SEH1L: variants seen among roughly 807,000 people sequenced by gnomAD.
The protein encoded by SEH1L is nucleoporin SEH1.
In SEH1L, 18 loss-of-function variants were observed where a neutral mutation model predicts 49.5. The ratio of observed to expected loss-of-function variants is 0.36; its 90% CI spans 0.25 to 0.54. The LOEUF (loss-of-function observed/expected upper bound fraction) is 0.54. SEH1L is among the 20% of genes least tolerant of loss of function. The pLI is 0.87. For missense variants in SEH1L, 404 were observed against 528.8 expected (o/e 0.76, Z 2.31); for synonymous variants, 169 against 178.1 (o/e 0.95, Z 0.41).
At chr18:12,972,639 C>T (rs2031751457) in intron 5 of SEH1L, 2 of 152,178 alleles carry the variant, frequency 1.3e-5, no homozygotes, top group African/African-American at 4.8e-5. Context: ...CAAATGTTAC[C>T]ATCTGGGTTA....
chr18:12,960,357 C>T (rs2031113312), intron 3 of SEH1L, among the ~76,000 whole-genome samples: 1 of 152,194 alleles, frequency 6.6e-6, no homozygotes, highest in Admixed American at 6.5e-5. Flanking sequence ...CTAGTTTTCC[C>T]AGCACCATTT....
At chr18:12,968,901 C>T (rs1172081868) in intron 4 of SEH1L, among the ~76,000 whole-genome samples, 2 of 152,130 alleles carry the variant, frequency 1.3e-5, no homozygotes, top group African/African-American at 2.4e-5. Context: ...GCTGTCTGGA[C>T]ATTTCATGAC....
At chr18:12,951,592 C>G (rs1321660572) in intron 1 of SEH1L, among the ~76,000 whole-genome samples, 1 of 152,160 alleles carries the variant, frequency 6.6e-6, no homozygotes, top group South Asian at 2.1e-4. Flanking sequence ...GGTTTCACCA[C>G]GTTGTCTAGG....
chr18:12,953,334 T>A (rs1223857695), intron 2 of SEH1L, among the ~76,000 whole-genome samples: 1 of 152,188 alleles, frequency 6.6e-6, no homozygotes, highest in East Asian at 1.9e-4. Context: ...TGTAAGTCTG[T>A]GTAGACATAT....
At chr18:12,980,697 ACAC>A (rs1308957731) in intron 6 of SEH1L, among the ~76,000 whole-genome samples, 8 of 72,784 alleles carry the variant, frequency 1.1e-4, no homozygotes, top group South Asian at 5.1e-4. Context: ...CGGGGGGCTG[ACAC>A]CCCCCACTTC....
intron 5 of SEH1L, chr18:12,973,422 C>T (rs1465469706): frequency 6.6e-6 from 1 of 151,866 alleles, no homozygotes; most frequent in African/African-American, 2.4e-5. Flanking sequence ...GCCTTAGCCT[C>T]CTGAATAGCT....
chr18:12,982,035 T>C (rs2032291080), intron 6 of SEH1L, among the ~76,000 whole-genome samples: 1 of 151,994 alleles, frequency 6.6e-6, no homozygotes, highest in South Asian at 2.1e-4. Flanking sequence ...AATTTTTTAT[T>C]TTGTATTTTT....
At chr18:12,949,546 G>A (rs1199857259) in intron 1 of SEH1L, among the ~76,000 whole-genome samples, 3 of 130,194 alleles carry the variant, frequency 2.3e-5, no homozygotes, top group Non-Finnish European at 4.7e-5. Context: ...TCCGCCTCCC[G>A]GGTTCACGCC....
In SEH1L at chr18:12,981,849, C is replaced by CTTTTTTTTTTTTTTTT. The variant is rs1467685892; in HGVS notation, c.762-669_762-668insTTTTTTTTTTTTTTTT. On this transcript the variant is annotated intron_variant, in intron 6 of 8. Transcript: ENST00000399892. ...ATTCTTTCCTACTTGCTGCCCTGCC[C>CTTTTTTTTTTTTTTTT]ATTTTTTTTTTTTTTTTTTTTTTTT... 7.8e-5 allele frequency among the ~76,000 whole-genome samples: 8 copies of CTTTTTTTTTTTTTTTT among 102,500 alleles called. 2 individuals are homozygous for CTTTTTTTTTTTTTTTT. Among genetic ancestry groups the CTTTTTTTTTTTTTTTT allele is most frequent in the African/African-American group, 2.3e-4 (5 of 21,660 alleles). 67.2% of individuals were successfully genotyped at this position (102,500 alleles called of 152,430 possible). A position where few individuals can be genotyped will look rare whatever the true frequency, so the allele number is the denominator to read the frequency against.
In SEH1L at chr18:12,948,171, A is replaced by T; in HGVS notation, c.50A>T (p.Asp17Val). 2 of 1,611,602 alleles carry T rather than the reference A, an allele frequency of 1.2e-6. No individual in the cohort carries two copies. The highest frequency in any genetic ancestry group is 1.7e-6 in the Non-Finnish European group (2 of 1,179,274). ...IAADHKDLIH[D>V]VSFDFHGRRM... is the part of the protein sequence containing the mutation. ...GCGGACCACAAGGATCTCATCCACG[A>T]TGTCTCTTTCGACTTCCACGGGCGG... is the stretch of plus-strand genomic sequence containing the variant. The change falls in exon 1 of 9, where the codon GAT (aspartate) becomes GTT (valine). Residue 17 changes from aspartate to valine, a missense_variant. Physicochemically the swap from Asp to Val is radical, Grantham distance 152. This residue lies in a region of SEH1L where 57 missense variants were observed against 71.9 expected (regional missense o/e 0.79). Coordinates refer to ENST00000399892, the MANE Select transcript of SEH1L (RefSeq NM_001013437.2).
At chr18:12,986,131 C>T (rs1237745695) in intron 8 of SEH1L, 1 of 984,362 alleles carries the variant, frequency 1.0e-6, no homozygotes, top group Non-Finnish European at 1.2e-6. Flanking sequence ...CATTCCATGT[C>T]TCAAGATTTT....
chr18:12,968,693 C>A (rs1247116937), intron 4 of SEH1L, among the ~76,000 whole-genome samples: 1 of 152,150 alleles, frequency 6.6e-6, no homozygotes, highest in African/African-American at 2.4e-5. Flanking sequence ...AGATTTCTAG[C>A]CCTGTACGAT....
chr18:12,980,691 G>T (rs1433074593), intron 6 of SEH1L, among the ~76,000 whole-genome samples: 2 of 127,560 alleles, frequency 1.6e-5, no homozygotes, highest in Admixed American at 7.4e-5. Context: ...GCAGGGCGGG[G>T]GGCTGACACC....
chr18:12,980,762 G>A (rs2032200185), intron 6 of SEH1L, among the ~76,000 whole-genome samples: 1 of 28,508 alleles, frequency 3.5e-5, no homozygotes, highest in African/African-American at 1.9e-4. Flanking sequence ...CTTCCCAGTA[G>A]GGGCGGCCGG....
intron 8 of SEH1L, chr18:12,985,390 C>G (rs1033501173): frequency 5.7e-6 from 8 of 1,410,044 alleles, no homozygotes; most frequent in South Asian, 3.3e-5. Context: ...TACTACTAAA[C>G]GCAATCCAAA....
At chr18:12,985,175 A>G (rs1438530815) in intron 8 of SEH1L, 17 of 1,530,702 alleles carry the variant, frequency 1.1e-5, no homozygotes, top group African/African-American at 5.5e-5. Context: ...TATTGTGCCA[A>G]TAACCATCTG....
At chr18:12,955,232 G>A (rs974367770) in intron 2 of SEH1L, among the ~76,000 whole-genome samples, 3 of 150,638 alleles carry the variant, frequency 2.0e-5, no homozygotes, top group Admixed American at 1.3e-4. Context: ...CTGGACTTCA[G>A]AAGCATTACA....
At chr18:12,960,941 T>G (rs1033141065) in intron 3 of SEH1L, among the ~76,000 whole-genome samples, 1 of 152,148 alleles carries the variant, frequency 6.6e-6, no homozygotes, top group Non-Finnish European at 1.5e-5. Context: ...GTTAAAAAAT[T>G]TTACAGCAGA....
At chr18:12,953,876 A>G (rs1263253697) in intron 2 of SEH1L, among the ~76,000 whole-genome samples, 7 of 152,244 alleles carry the variant, frequency 4.6e-5, no homozygotes, top group African/African-American at 7.2e-5. Context: ...TTAACAGCCA[A>G]TAAATATACC....
Sources: gnomAD v4.1 joint callset for allele counts (sites outside exome capture counted in the v4.1 genomes callset) on GRCh38, gnomAD v4.1.1 for gene constraint, gnomAD v4.1.1 regional missense constraint, MANE v1.5 for transcripts, NCBI Gene and HGNC (gene_info 2026-07-23, HGNC 2026-07-21) for gene names.